The following DTNBP1 variants were observed in gnomAD, a reference collection of about 807,000 sequenced individuals.
DTNBP1 encodes dystrobrevin binding protein 1.
In DTNBP1, 35 loss-of-function variants were observed where a neutral mutation model predicts 42.8. The observed-to-expected ratio is 0.82, with a 90% CI of 0.63 to 1.09. The LOEUF is 1.09. Ranked by LOEUF, DTNBP1 falls within the 50% of genes least tolerant of loss-of-function variation. The pLI is 0.00. For missense variants in DTNBP1, 457 were observed against 424.2 expected (o/e 1.08, Z -0.68); for synonymous variants, 171 against 162.2 (o/e 1.05, Z -0.41).
chr6:15,541,181 A>G (rs1219393566), intron 7 of DTNBP1, among the ~76,000 whole-genome samples: 2 of 152,194 alleles, frequency 1.3e-5, no homozygotes, highest in East Asian at 1.9e-4. Context: ...GCATTTAAAA[A>G]TAACTTTGCT....
At chr6:15,597,923 A>T (rs1776578743) in intron 6 of DTNBP1, among the ~76,000 whole-genome samples, 1 of 152,250 alleles carries the variant, frequency 6.6e-6, no homozygotes, top group Non-Finnish European at 1.5e-5. Context: ...ATTTTCTAAA[A>T]ATTGAGTTTA....
intron 2 of DTNBP1, 170 bp from the exon 3 acceptor site, chr6:15,651,533 T>C: frequency 1.2e-6 from 1 of 827,724 alleles, no homozygotes. Context: ...TAATGTACTG[T>C]ATGTAACACA....
rs1294433116 is a variant in DTNBP1 at position 15,587,286 on chromosome 6, T to C, written c.511+5773A>G. On this transcript the variant is annotated intron_variant, in intron 7 of 9. Transcript: ENST00000344537. This position sits in a 1 kb window ranked among gnomAD's most constrained non-coding sequence, Gnocchi z 4.1. The stretch of plus-strand genomic sequence containing the variant: ...CATGGATACATTCCATGTTCATGGA[T>C]TGAAAGACTCACTATCATTAAGATG... Among the ~76,000 whole-genome samples the C allele has an allele frequency of 6.6e-6, 1 of 152,168 alleles. No homozygotes were observed. The highest frequency in any genetic ancestry group is 1.5e-5 in the Non-Finnish European group (1 of 68,032).
In DTNBP1 at chr6:15,586,857, A is replaced by T. The variant is rs190314343; in HGVS notation, c.511+6202T>A. 6.6e-5 allele frequency among the ~76,000 whole-genome samples: 10 copies of T among 152,288 alleles called. No individual in the cohort carries two copies. The East Asian group carries it at 1.9e-3, about 29-fold the overall frequency. ...CACAACAATATGACACTGCTTCTTG[A>T]CATGTCCTTGAAATGTTCTCCTTAT... On this transcript the variant is annotated intron_variant, in intron 7 of 9. Transcript: ENST00000344537.
At chr6:15,585,938 G>T in intron 7 of DTNBP1, 1 of 1,368,150 alleles carries the variant, frequency 7.3e-7, no homozygotes, top group South Asian at 2.0e-5. Context: ...TTTTGCTGAT[G>T]GCTTAAGCAG....
At chr6:15,612,482 A>G (rs1758463532) in intron 6 of DTNBP1, among the ~76,000 whole-genome samples, 1 of 152,250 alleles carries the variant, frequency 6.6e-6, no homozygotes, top group Non-Finnish European at 1.5e-5. Context: ...TTGATAGAAA[A>G]ATCACAATAT....
At chr6:15,662,709 A>G (rs1052558839) in intron 1 of DTNBP1, 105 bp downstream of exon 1, 13 of 1,492,588 alleles carry the variant, frequency 8.7e-6, no homozygotes, top group African/African-American at 2.8e-5. Context: ...GGTGCGGGAC[A>G]GGACGGACCC....
intron 7 of DTNBP1, among the ~76,000 whole-genome samples, chr6:15,567,593 T>C (rs867777724): frequency 2.6e-5 from 4 of 152,226 alleles, no homozygotes; most frequent in South Asian, 2.1e-4. Flanking sequence ...AATTCACGTA[T>C]GACCTGTAAG....
chr6:15,565,253 C>A (rs1775016440), intron 7 of DTNBP1, among the ~76,000 whole-genome samples: 1 of 152,130 alleles, frequency 6.6e-6, no homozygotes, highest in South Asian at 2.1e-4. Context: ...TGTAAAAAGT[C>A]ACTCTGGAAA....
chr6:15,636,773 C>T (rs563706331), intron 4 of DTNBP1, among the ~76,000 whole-genome samples: 2 of 152,104 alleles, frequency 1.3e-5, no homozygotes, highest in South Asian at 2.1e-4. Context: ...ATTTTGATCC[C>T]GACTTCCATG....
In DTNBP1 at chr6:15,622,674, T is replaced by C. The variant is rs57558337; in HGVS notation, c.355+4669A>G. Among the ~76,000 whole-genome samples, 401 of 152,308 alleles carry C rather than the reference T, an allele frequency of 2.6e-3. 4 individuals are homozygous for C. The highest frequency in any genetic ancestry group is 9.4e-3 in the African/African-American group (390 of 41,564). Reference sequence around the variant, plus strand: ...CGCTATAACAACCGCATATGTCTCATTTAGTGATCAGTGAAAGAGATAGGT... The same window carrying C: ...CGCTATAACAACCGCATATGTCTCACTTAGTGATCAGTGAAAGAGATAGGT... On this transcript the variant is annotated intron_variant, in intron 5 of 9. Coordinates refer to ENST00000344537, the MANE Select transcript of DTNBP1 (RefSeq NM_032122.5).
intron 7 of DTNBP1, among the ~76,000 whole-genome samples, chr6:15,589,073 C>A (rs552627378): frequency 6.6e-6 from 1 of 152,356 alleles, no homozygotes; most frequent in African/African-American, 2.4e-5. Flanking sequence ...TTTTGTCTCA[C>A]ACGTTAAGCC....
In DTNBP1 at chr6:15,528,966, G is replaced by A. The variant is rs144189104; in HGVS notation, c.667+4274C>T. ...CAGCTGGTCTTAAAGCAACTCTTAC[G>A]TATATGTACAGAGAGAGAAATTATA... On this transcript the variant is annotated intron_variant, in intron 8 of 9. Coordinates refer to ENST00000344537, the MANE Select transcript of DTNBP1 (RefSeq NM_032122.5). Among the ~76,000 whole-genome samples the A allele has an allele frequency of 2.8e-4, 43 of 152,264 alleles. No homozygotes were observed. In the East Asian group the frequency reaches 3.5e-3, roughly 12 times the overall value.
chr6:15,630,218 C>T (rs1405076313), intron 4 of DTNBP1, among the ~76,000 whole-genome samples: 2 of 152,138 alleles, frequency 1.3e-5, no homozygotes, highest in Admixed American at 6.5e-5. Flanking sequence ...TTAAGGAACA[C>T]TTCATTTTAT....
chr6:15,600,559 T>C (rs1776689589), intron 6 of DTNBP1, among the ~76,000 whole-genome samples: 1 of 152,110 alleles, frequency 6.6e-6, no homozygotes, highest in Admixed American at 6.5e-5. Flanking sequence ...GTAATATAAA[T>C]GAAGGGACAC....
intron 1 of DTNBP1, among the ~76,000 whole-genome samples, chr6:15,652,784 T>C (rs1179448618): frequency 1.3e-5 from 2 of 152,080 alleles, no homozygotes; most frequent in African/African-American, 2.4e-5. Context: ...TGTGCCACCA[T>C]GCCCAGCTAT....
rs773856183 is a variant in DTNBP1 at position 15,593,098 on chromosome 6, A to G, written c.489-17T>C. On this transcript the variant is annotated splice_polypyrimidine_tract_variant and intron_variant, in intron 6 of 9. Coordinates refer to ENST00000344537, the MANE Select transcript of DTNBP1 (RefSeq NM_032122.5). ...AGTTCCTTCCTGTAGGAAAAAAAAAAAAAAGACAAGACAATGCAAATTAAA... is the reference window on the plus strand; with the variant it reads ...AGTTCCTTCCTGTAGGAAAAAAAAAGAAAAGACAAGACAATGCAAATTAAA... The G allele has an allele frequency of 1.3e-6, 2 of 1,570,578 alleles. No individual in the cohort carries two copies. The highest frequency in any genetic ancestry group is 1.7e-6 in the Non-Finnish European group (2 of 1,158,284).
At chr6:15,537,725 G>A (rs1011661554) in intron 7 of DTNBP1, among the ~76,000 whole-genome samples, 2 of 152,030 alleles carry the variant, frequency 1.3e-5, no homozygotes, top group Non-Finnish European at 2.9e-5. Flanking sequence ...TCCTTCCCAC[G>A]CTCACACTCT....
chr6:15,530,581 C>T (rs941624077), intron 8 of DTNBP1, among the ~76,000 whole-genome samples: 9 of 152,136 alleles, frequency 5.9e-5, no homozygotes, highest in Non-Finnish European at 2.9e-5. Flanking sequence ...AACTGCAGTA[C>T]GTGCCCGTCC....
Sources: gnomAD v4.1 joint callset for allele counts (sites outside exome capture counted in the v4.1 genomes callset) on GRCh38, gnomAD v4.1.1 for gene constraint, Gnocchi (gnomAD v3.1) non-coding constraint, MANE v1.5 for transcripts, NCBI Gene and HGNC (gene_info 2026-07-23, HGNC 2026-07-21) for gene names.